MICAL3: variants seen among roughly 807,000 people sequenced by gnomAD.
The protein encoded by MICAL3 is microtubule associated monooxygenase, calponin and LIM domain containing 3.
MICAL3 carries 62 observed loss-of-function variants against 207.4 expected under a neutral mutation model. The ratio of observed to expected loss-of-function variants is 0.30; its 90% CI spans 0.24 to 0.37. The LOEUF (loss-of-function observed/expected upper bound fraction) is 0.37. Ranked by LOEUF, MICAL3 falls within the 10% of genes least tolerant of loss-of-function variation. The pLI is 1.00. For missense variants in MICAL3, 2,368 were observed against 2,635.6 expected (o/e 0.90, Z 2.22); for synonymous variants, 1,077 against 1,069.3 (o/e 1.01, Z -0.14).
intron 29 of MICAL3, among the ~76,000 whole-genome samples, chr22:17,792,013 A>C (rs549366679): frequency 5.3e-5 from 8 of 152,324 alleles, no homozygotes; most frequent in Admixed American, 3.9e-4. Flanking sequence ...AATCCAACAG[A>C]ATGCCTGTGT....
chr22:17,861,478 C>A (rs1218817641), intron 19 of MICAL3: 1 of 985,462 alleles, frequency 1.0e-6, no homozygotes, highest in Non-Finnish European at 1.2e-6. Context: ...TCCGGCTATG[C>A]CTTCGGCTTC....
At chr22:17,823,755 C>T (rs1165479150) in intron 22 of MICAL3, among the ~76,000 whole-genome samples, 1 of 152,200 alleles carries the variant, frequency 6.6e-6, no homozygotes, top group African/African-American at 2.4e-5. Context: ...GAGATTACAA[C>T]ATCCGAAAAA....
chr22:17,838,906 C>CGTA (rs1923687153), intron 20 of MICAL3, among the ~76,000 whole-genome samples: 1 of 151,240 alleles, frequency 6.6e-6, no homozygotes, highest in South Asian at 2.1e-4. Flanking sequence ...CTGTGTCCTA[C>CGTA]GGCCACCCAG....
chr22:17,850,568 T>C (rs1029279830), intron 19 of MICAL3, among the ~76,000 whole-genome samples: 10 of 151,886 alleles, frequency 6.6e-5, no homozygotes, highest in African/African-American at 2.4e-4. Flanking sequence ...CCTGCCATCA[T>C]GCCCGGCTAA....
intron 16 of MICAL3, among the ~76,000 whole-genome samples, chr22:17,873,158 T>C (rs760517187): frequency 2.4e-4 from 37 of 152,110 alleles, no homozygotes; most frequent in Non-Finnish European, 4.3e-4. Context: ...GGAATGGTGG[T>C]AGAAGGCAGG....
chr22:17,834,840 T>A (rs1355981627), intron 20 of MICAL3, among the ~76,000 whole-genome samples: 1 of 152,240 alleles, frequency 6.6e-6, no homozygotes, highest in Non-Finnish European at 1.5e-5. Context: ...CATAACCTAG[T>A]GCATGTCATT....
At chr22:17,868,398 T>C (rs1454943171) in intron 17 of MICAL3, among the ~76,000 whole-genome samples, 1 of 152,024 alleles carries the variant, frequency 6.6e-6, no homozygotes, top group African/African-American at 2.4e-5. Context: ...ATCTATCAAC[T>C]CATTTAATCC....
At position 17,841,798 on chromosome 22, in the gene MICAL3, C is replaced by T. The variant is rs750559; in HGVS notation, c.2801+24G>A. On this transcript the variant is annotated intron_variant, in intron 20 of 31. Coordinates refer to ENST00000441493, the MANE Select transcript of MICAL3 (RefSeq NM_015241.3). This position sits in a 1 kb window ranked among gnomAD's most constrained non-coding sequence, Gnocchi z 4.2. Reference sequence around the variant, plus strand: ...CTCTTAGGGCCGTGTGGCGGGTGGGCGCCCTGCAGCCCTGCGTGCTGACCT... The same window carrying T: ...CTCTTAGGGCCGTGTGGCGGGTGGGTGCCCTGCAGCCCTGCGTGCTGACCT... 415,325 of 1,536,226 alleles carry T rather than the reference C, an allele frequency of 0.27. 57,835 individuals carry two copies. Among genetic ancestry groups the T allele is most frequent in the Non-Finnish European group, 0.29 (332,961 of 1,142,842 alleles).
chr22:17,892,314 C>T (rs772354739), intron 11 of MICAL3, among the ~76,000 whole-genome samples: 1 of 152,152 alleles, frequency 6.6e-6, no homozygotes. Flanking sequence ...TTCTAAAACC[C>T]GAACAGCCTC....
intron 19 of MICAL3, chr22:17,860,528 G>C (rs1325419920): frequency 6.1e-6 from 6 of 985,366 alleles, no homozygotes; most frequent in African/African-American, 1.7e-5. Context: ...GGACCTTAAA[G>C]GCTATGGTGG....
chr22:17,970,986 A>T (rs1429237701), intron 1 of MICAL3, among the ~76,000 whole-genome samples: 2 of 152,138 alleles, frequency 1.3e-5, no homozygotes, highest in Non-Finnish European at 2.9e-5. Flanking sequence ...GTTCGAGACC[A>T]GCCTGGGAAA....
intron 19 of MICAL3, chr22:17,864,622 T>C: frequency 6.4e-7 from 1 of 1,558,406 alleles, no homozygotes; most frequent in Non-Finnish European, 8.6e-7. Context: ...GGGACAGCAC[T>C]TCACGGCTCT....
rs770450522 is a variant in MICAL3 at position 17,791,306 on chromosome 22, C to G, written c.5651-5G>C. The stretch of plus-strand genomic sequence containing the variant: ...GGTCGTCCTTCTTGCCCATGCCTGC[C>G]GAGAGAACGCTTGTGTCGGGTGCAG... On this transcript the variant is annotated splice_region_variant and splice_polypyrimidine_tract_variant and intron_variant, in intron 29 of 31. Coordinates refer to ENST00000441493, the MANE Select transcript of MICAL3 (RefSeq NM_015241.3). 3 of 1,611,716 alleles carry G rather than the reference C, an allele frequency of 1.9e-6. No individual in the cohort carries two copies. Among genetic ancestry groups the G allele is most frequent in the Admixed American group, 1.7e-5 (1 of 59,772 alleles).
intron 16 of MICAL3, among the ~76,000 whole-genome samples, chr22:17,878,550 T>TG (rs1476857306): frequency 6.6e-6 from 1 of 152,182 alleles, no homozygotes; most frequent in Non-Finnish European, 1.5e-5. Context: ...TGGCCATAAC[T>TG]GCATTTCTCA....
At chr22:17,927,922 T>C (rs1251225241) in intron 1 of MICAL3, among the ~76,000 whole-genome samples, 6 of 152,130 alleles carry the variant, frequency 3.9e-5, no homozygotes. Flanking sequence ...CTGCGTCTGG[T>C]TTCTATTCCC....
At chr22:17,894,820 A>G (rs1034535770) in intron 10 of MICAL3, among the ~76,000 whole-genome samples, 4 of 150,948 alleles carry the variant, frequency 2.6e-5, no homozygotes, top group Non-Finnish European at 4.4e-5. Flanking sequence ...AAAAAATTAC[A>G]CTAGAACAAA....
intron 22 of MICAL3, among the ~76,000 whole-genome samples, chr22:17,823,423 G>A (rs1675907467): frequency 6.6e-6 from 1 of 152,230 alleles, no homozygotes; most frequent in South Asian, 2.1e-4. Context: ...ATCTGCCAAA[G>A]CCTGGCTGTG....
At position 17,994,369 on chromosome 22, in the gene MICAL3, G is replaced by C. The variant is rs146506463; in HGVS notation, c.-75+29912C>G. On this transcript the variant is annotated intron_variant, in intron 1 of 31. Transcript: ENST00000441493. ...CTGACCAAGCTGCTCCTCCTCTCTT[G>C]GCTTCCAACACTGGCACTGGCCTCC... Among the ~76,000 whole-genome samples the C allele has an allele frequency of 2.3e-3, 343 of 152,262 alleles. 1 individual carries two copies. Among genetic ancestry groups the C allele is most frequent in the African/African-American group, 5.9e-3 (243 of 41,534 alleles).
intron 16 of MICAL3, among the ~76,000 whole-genome samples, chr22:17,885,629 T>A (rs1929801424): frequency 6.6e-6 from 1 of 152,050 alleles, no homozygotes; most frequent in Non-Finnish European, 1.5e-5. Flanking sequence ...ATACAGATTT[T>A]TTTTAGATCC....
Sources: allele counts gnomAD v4.1 joint callset (sites outside exome capture counted in the v4.1 genomes callset), GRCh38; gene constraint gnomAD v4.1.1; non-coding constraint Gnocchi (gnomAD v3.1); transcripts MANE v1.5; gene names NCBI Gene and HGNC (gene_info 2026-07-23, HGNC 2026-07-21).